PRDM6: variants seen among roughly 807,000 people sequenced by gnomAD.
PRDM6 encodes putative histone-lysine N-methyltransferase PRDM6.
A neutral mutation model predicts 60.8 loss-of-function variants in PRDM6; 25 were observed. The ratio of observed to expected loss-of-function variants is 0.41; its 90% CI spans 0.30 to 0.57. The LOEUF (loss-of-function observed/expected upper bound fraction) is 0.57. Ranked by LOEUF, PRDM6 falls within the 20% of genes least tolerant of loss-of-function variation. The pLI is 0.27. For missense variants in PRDM6, 839 were observed against 821.3 expected, an observed-to-expected ratio of 1.02 and a Z score of -0.26; for synonymous variants, 407 against 357.4, an observed-to-expected ratio of 1.14 and a Z score of -1.57.
At chr5:123,109,613 TA>T in intron 3 of PRDM6, among the ~76,000 whole-genome samples, 1 of 152,332 alleles carries the variant, frequency 6.6e-6, no homozygotes, top group African/African-American at 2.4e-5. Flanking sequence ...AATTATGTAC[TA>T]AAGGGATACC....
At chr5:123,110,860 C>T (rs547719068) in intron 3 of PRDM6, among the ~76,000 whole-genome samples, 39 of 152,110 alleles carry the variant, frequency 2.6e-4, no homozygotes, top group East Asian at 1.2e-3. Flanking sequence ...CCACCACGTC[C>T]GGCAGTTTTT....
At chr5:123,123,773 A>G (rs1764632995) in intron 3 of PRDM6, among the ~76,000 whole-genome samples, 1 of 152,134 alleles carries the variant, frequency 6.6e-6, no homozygotes, top group South Asian at 2.1e-4. Flanking sequence ...CCTTAGATGT[A>G]CTTCTGATTT....
chr5:123,119,270 A>G (rs1208336180), intron 3 of PRDM6, among the ~76,000 whole-genome samples: 1 of 152,254 alleles, frequency 6.6e-6, no homozygotes, highest in Non-Finnish European at 1.5e-5. Context: ...AGAGTAGGGA[A>G]AAAACAAGAT....
At chr5:123,095,572 A>T (rs1232480867) in intron 2 of PRDM6, among the ~76,000 whole-genome samples, 1 of 152,228 alleles carries the variant, frequency 6.6e-6, no homozygotes. Flanking sequence ...CCGGGCTGGG[A>T]TCGATGGGCG....
rs1394618752 is a variant in PRDM6, at chr5:123,174,306, C to G, written c.1496+3198C>G. On this transcript the variant is annotated intron_variant, in intron 6 of 7. Coordinates refer to ENST00000407847, the MANE Select transcript of PRDM6 (RefSeq NM_001136239.4). The stretch of plus-strand genomic sequence containing the variant: ...GTGATTGATTCCAAAGATCAGCTGG[C>G]CTTTAGTCTTTAGCAATATATGCCC... Among the ~76,000 whole-genome samples, 7 of 152,274 alleles carry G rather than the reference C, an allele frequency of 4.6e-5. No homozygotes were observed. The Middle Eastern group carries it at 0.01, about 222-fold the overall frequency.
At chr5:123,150,527 G>A (rs2126868652) in intron 3 of PRDM6, among the ~76,000 whole-genome samples, 1 of 152,266 alleles carries the variant, frequency 6.6e-6, no homozygotes, top group East Asian at 1.9e-4. Flanking sequence ...GCTGTCTTAT[G>A]GACTACAAAA....
At chr5:123,174,738 T>G (rs1765966374) in intron 6 of PRDM6, among the ~76,000 whole-genome samples, 1 of 152,202 alleles carries the variant, frequency 6.6e-6, no homozygotes, top group Non-Finnish European at 1.5e-5. Flanking sequence ...TTGTTTTATT[T>G]ATTTTTTTTA....
intron 4 of PRDM6, among the ~76,000 whole-genome samples, chr5:123,159,251 C>T (rs559562653): frequency 3.3e-5 from 5 of 152,080 alleles, no homozygotes; most frequent in Non-Finnish European, 5.9e-5. Flanking sequence ...TTCTTCCTTT[C>T]TGATGTCTCC....
chr5:123,156,864 C>T (rs914050179), intron 4 of PRDM6, among the ~76,000 whole-genome samples: 3 of 152,082 alleles, frequency 2.0e-5, no homozygotes, highest in Non-Finnish European at 4.4e-5. Context: ...GAAAAAAGCC[C>T]CACCACTAAG....
intron 5 of PRDM6, among the ~76,000 whole-genome samples, chr5:123,168,850 A>AGT (rs1765820955): frequency 6.6e-6 from 1 of 152,258 alleles, no homozygotes; most frequent in Non-Finnish European, 1.5e-5. Flanking sequence ...TCAGTTGAAG[A>AGT]GTGCTTAGGC....
Position 123,193,193 on chromosome 5 carries a change from T to A in PRDM6, c.*5992T>A, listed in dbSNP as rs953154510. ...CCTTGTCAAACATGGTGGGTCCTGG[T>A]TGATATCTCCTGTTTCCTGCCTTGA... On this transcript the variant is annotated 3_prime_UTR_variant, in exon 8 of 8. Coordinates refer to ENST00000407847, the MANE Select transcript of PRDM6 (RefSeq NM_001136239.4). The A allele has an allele frequency of 6.6e-6, 1 of 152,224 alleles. No individual in the cohort carries two copies. The highest frequency in any genetic ancestry group is 1.5e-5 in the Non-Finnish European group (1 of 68,048). The allele number at this position is 152,224 out of a possible 1,614,324, so 9.4% of individuals were successfully genotyped here.
In PRDM6 at chr5:123,090,522, G is replaced by T. The variant is rs1449999659; in HGVS notation, c.508G>T (p.Ala170Ser). 4.7e-6 allele frequency: 7 copies of T among 1,504,886 alleles called. No homozygotes were observed. Among genetic ancestry groups the T allele is most frequent in the Non-Finnish European group, 6.2e-6 (7 of 1,135,446 alleles). 93.2% of individuals were successfully genotyped at this position (1,504,886 alleles called of 1,614,324 possible). The change falls in exon 2 of 8, where the codon GCA becomes TCA. Residue 170 changes from alanine (A) to serine (S), a missense_variant. Physicochemically the swap from Ala to Ser is moderately conservative, Grantham distance 99. Coordinates refer to ENST00000407847, the MANE Select transcript of PRDM6 (RefSeq NM_001136239.4). ...CGGCGCCCCGCGCTTCCGCTGCAGCGCAGAGGAGCTGGACTATTACCTGTA... is the reference window on the plus strand; with the variant it reads ...CGGCGCCCCGCGCTTCCGCTGCAGCTCAGAGGAGCTGGACTATTACCTGTA... ...GRGAPRFRCS[A>S]EELDYYLYGQ...
At chr5:123,119,725 A>G (rs760800650) in intron 3 of PRDM6, among the ~76,000 whole-genome samples, 31 of 152,214 alleles carry the variant, frequency 2.0e-4, no homozygotes, top group Non-Finnish European at 3.8e-4. Context: ...TGTTTTTAGA[A>G]CTACATTGTC....
At chr5:123,144,159 C>G (rs1247251432) in intron 3 of PRDM6, among the ~76,000 whole-genome samples, 1 of 152,146 alleles carries the variant, frequency 6.6e-6, no homozygotes, top group Non-Finnish European at 1.5e-5. Flanking sequence ...ACCAGAATCC[C>G]TCGCCTTCTC....
At chr5:123,166,405 A>T (rs186405813) in intron 5 of PRDM6, among the ~76,000 whole-genome samples, 1 of 151,300 alleles carries the variant, frequency 6.6e-6, no homozygotes, top group East Asian at 2.0e-4. Context: ...CACTTACCAC[A>T]CTTGTCTTAA....
intron 3 of PRDM6, among the ~76,000 whole-genome samples, chr5:123,148,076 C>T (rs1765287458): frequency 6.6e-6 from 1 of 152,228 alleles, no homozygotes; most frequent in Non-Finnish European, 1.5e-5. Context: ...CAAACAACAC[C>T]ACAGGTGTTT....
chr5:123,181,565 GCTCT>G (rs1766162368), intron 7 of PRDM6, among the ~76,000 whole-genome samples: 1 of 152,136 alleles, frequency 6.6e-6, no homozygotes, highest in Admixed American at 6.5e-5. Context: ...CCCTCTTACA[GCTCT>G]CTTCACTCAT....
chr5:123,140,527 C>T (rs932250414), intron 3 of PRDM6, among the ~76,000 whole-genome samples: 5 of 151,952 alleles, frequency 3.3e-5, no homozygotes, highest in Admixed American at 3.3e-4. Context: ...CAAAATTATT[C>T]ACTTTAAAGG....
chr5:123,091,305 C>A (rs941989285), intron 2 of PRDM6, among the ~76,000 whole-genome samples: 6 of 152,228 alleles, frequency 3.9e-5, no homozygotes, highest in African/African-American at 1.2e-4. Flanking sequence ...TCCGATTCCG[C>A]TGATCCCGCT....
Sources: allele counts gnomAD v4.1 joint callset (sites outside exome capture counted in the v4.1 genomes callset), GRCh38; gene constraint gnomAD v4.1.1; transcripts MANE v1.5; gene names NCBI Gene and HGNC (gene_info 2026-07-23, HGNC 2026-07-21).